ADCY9: variants seen among roughly 807,000 people sequenced by gnomAD.
ADCY9 encodes the protein adenylate cyclase type 9.
A neutral mutation model predicts 101.5 loss-of-function variants in ADCY9; 50 were observed. The observed-to-expected ratio is 0.49, with a 90% CI of 0.39 to 0.62. The LOEUF (loss-of-function observed/expected upper bound fraction) is 0.62. Among genes scored for constraint, ADCY9 ranks in the 20% least tolerant of loss-of-function variants. ADCY9 has a pLI of 0.00. For synonymous variants in ADCY9, 905 were observed against 769.3 expected (o/e 1.18, Z -2.92); for missense variants, 1,662 against 1,800.4 (o/e 0.92, Z 1.39).
intron 5 of ADCY9, among the ~76,000 whole-genome samples, chr16:3,989,760 A>C (rs1285748319): frequency 6.6e-6 from 1 of 152,230 alleles, no homozygotes. Flanking sequence ...TTTTGTGAAG[A>C]ACACGCAGAT....
At chr16:4,080,717 C>T (rs1170347255) in intron 2 of ADCY9, among the ~76,000 whole-genome samples, 8 of 70,262 alleles carry the variant, frequency 1.1e-4, no homozygotes, top group Non-Finnish European at 1.7e-4. Context: ...ACATTTTTTT[C>T]GTTTTTTTTT....
chr16:4,048,460 T>C (rs948035220), intron 2 of ADCY9, among the ~76,000 whole-genome samples: 1 of 152,174 alleles, frequency 6.6e-6, no homozygotes, highest in African/African-American at 2.4e-5. Context: ...CAAATGGCAG[T>C]ACAATGGCAA....
intron 2 of ADCY9, among the ~76,000 whole-genome samples, chr16:4,082,679 T>C (rs1000521325): frequency 6.9e-5 from 10 of 145,858 alleles, no homozygotes; most frequent in African/African-American, 1.3e-4. Flanking sequence ...TGCACACCCA[T>C]GCATGCATGC....
intron 2 of ADCY9, among the ~76,000 whole-genome samples, chr16:4,095,547 A>G (rs78635094): frequency 4.1e-4 from 63 of 152,336 alleles, no homozygotes; most frequent in Non-Finnish European, 7.1e-4. Context: ...AATTCATTTT[A>G]CTGGCAACTA....
chr16:4,098,979 C>A (rs2057025913), intron 2 of ADCY9, among the ~76,000 whole-genome samples: 1 of 152,144 alleles, frequency 6.6e-6, no homozygotes, highest in Non-Finnish European at 1.5e-5. Context: ...GTCACCCAGG[C>A]TGGAGTGCAG....
intron 6 of ADCY9, among the ~76,000 whole-genome samples, chr16:3,984,403 G>A (rs1209476516): frequency 1.3e-5 from 2 of 152,164 alleles, no homozygotes; most frequent in South Asian, 2.1e-4. Flanking sequence ...ACTAGTGTTC[G>A]GCAATTGAGG....
chr16:3,979,441 T>C (rs988925137), intron 7 of ADCY9, among the ~76,000 whole-genome samples, 166 bp from the exon 8 acceptor site: 2 of 152,234 alleles, frequency 1.3e-5, no homozygotes, highest in African/African-American at 4.8e-5. Context: ...CCCTCACTTT[T>C]GGTAGAAGGC....
intron 2 of ADCY9, among the ~76,000 whole-genome samples, chr16:4,015,194 GC>G (rs1441801898): frequency 6.6e-6 from 1 of 151,924 alleles, no homozygotes; most frequent in African/African-American, 2.4e-5. Context: ...GCCCACCTCA[GC>G]CTCCCAAAGT....
chr16:4,009,888 G>A (rs997841097), intron 2 of ADCY9, among the ~76,000 whole-genome samples: 8 of 152,326 alleles, frequency 5.3e-5, no homozygotes, highest in African/African-American at 1.7e-4. Context: ...CTGTCCTGGG[G>A]CTGCTCTAAG....
At chr16:4,069,768 C>A (rs982240267) in intron 2 of ADCY9, among the ~76,000 whole-genome samples, 1 of 152,096 alleles carries the variant, frequency 6.6e-6, no homozygotes, top group South Asian at 2.1e-4. Flanking sequence ...ACAGGCCACC[C>A]ATCAAGTTTT....
rs559394600 is a variant in ADCY9 at position 3,990,621 on chromosome 16, T to G, written c.2207+1525A>C. Among the ~76,000 whole-genome samples, 449 of 152,250 alleles carry G rather than the reference T, an allele frequency of 2.9e-3. 3 individuals carry two copies. The highest frequency in any genetic ancestry group is 0.01 in the African/African-American group (424 of 41,548). ...AGGTATCCAGTAACTTCCAACATTCTCAGACTCAGAAGAGAAATAATTCTG... is the reference window on the plus strand; with the variant it reads ...AGGTATCCAGTAACTTCCAACATTCGCAGACTCAGAAGAGAAATAATTCTG... On this transcript the variant is annotated intron_variant, in intron 5 of 10. Coordinates refer to ENST00000294016, the MANE Select transcript of ADCY9 (RefSeq NM_001116.4).
chr16:4,039,771 A>G, intron 2 of ADCY9, among the ~76,000 whole-genome samples: 1 of 138,712 alleles, frequency 7.2e-6, no homozygotes, highest in Non-Finnish European at 1.6e-5. Flanking sequence ...AGGTGCAGGG[A>G]CTCACGCCTG....
At chr16:4,067,719 G>A (rs1396997940) in intron 2 of ADCY9, among the ~76,000 whole-genome samples, 2 of 152,116 alleles carry the variant, frequency 1.3e-5, no homozygotes, top group African/African-American at 2.4e-5. Flanking sequence ...GTCAATTCAG[G>A]GCATTTGCTG....
rs182550765 is a variant in ADCY9, at chr16:3,979,092, T to C, written c.2679+24A>G. The C allele has an allele frequency of 1.8e-4, 287 of 1,613,632 alleles. 1 individual carries two copies. The African/African-American group carries it at 3.3e-3, about 18-fold the overall frequency. ...TAGGGAGTCCAGGAGAGCGTGGAAA[T>C]AAAACGGCTGAGCCTTTACTTACGT... On this transcript the variant is annotated intron_variant, in intron 8 of 10. Transcript: ENST00000294016.
intron 2 of ADCY9, among the ~76,000 whole-genome samples, chr16:4,069,186 C>G (rs1324458557): frequency 1.3e-5 from 2 of 152,102 alleles, no homozygotes. Context: ...CTCTCACCAC[C>G]AACAACTAGA....
chr16:4,041,596 C>G (rs1231219672), intron 2 of ADCY9, among the ~76,000 whole-genome samples: 2 of 149,782 alleles, frequency 1.3e-5, no homozygotes, highest in Non-Finnish European at 3.0e-5. Flanking sequence ...TAGCATTTAA[C>G]TCTGGAATCA....
At chr16:3,972,906 T>C (rs903743585) in intron 10 of ADCY9, among the ~76,000 whole-genome samples, 5 of 152,124 alleles carry the variant, frequency 3.3e-5, no homozygotes, top group Non-Finnish European at 5.9e-5. Context: ...CAGGTACTCT[T>C]CTGTGCATAC....
At chr16:4,058,651 A>C (rs1567132705) in intron 2 of ADCY9, among the ~76,000 whole-genome samples, 1 of 152,120 alleles carries the variant, frequency 6.6e-6, no homozygotes, top group African/African-American at 2.4e-5. Context: ...GAACCTGGGA[A>C]GGTATGTGTG....
At chr16:3,976,480 C>G (rs983245843) in intron 9 of ADCY9, among the ~76,000 whole-genome samples, 4 of 152,140 alleles carry the variant, frequency 2.6e-5, no homozygotes, top group Non-Finnish European at 5.9e-5. Flanking sequence ...ACCGGCCTCC[C>G]TGACTCCTGT....
Sources: gnomAD v4.1 joint callset for allele counts (sites outside exome capture counted in the v4.1 genomes callset) on GRCh38, gnomAD v4.1.1 for gene constraint, MANE v1.5 for transcripts, NCBI Gene and HGNC (gene_info 2026-07-23, HGNC 2026-07-21) for gene names.